Variants in FLT1 observed in about 807,000 individuals in gnomAD.
The protein encoded by FLT1 is vascular endothelial growth factor receptor 1.
FLT1 carries 49 observed loss-of-function variants against 156.3 expected under a neutral mutation model. That is an observed-to-expected ratio of 0.31 (90% CI 0.25 to 0.40). FLT1 has a LOEUF of 0.40. Among genes scored for constraint, FLT1 ranks in the 10% least tolerant of loss-of-function variants. The probability of loss-of-function intolerance (pLI) is 1.00; values close to 1 mark genes in which losing one functional copy is unlikely to be tolerated. For synonymous variants in FLT1, 594 were observed against 583.8 expected (o/e 1.02, Z -0.25); for missense variants, 1,322 against 1,637.2 (o/e 0.81, Z 3.32).
At chr13:28,411,821 G>A (rs1245453811) in intron 10 of FLT1, among the ~76,000 whole-genome samples, 1 of 152,170 alleles carries the variant, frequency 6.6e-6, no homozygotes, top group Non-Finnish European at 1.5e-5. Flanking sequence ...AATGTATAAT[G>A]AAAGCACATT....
chr13:28,420,796 A>G (rs554950665), intron 10 of FLT1, among the ~76,000 whole-genome samples: 3 of 152,206 alleles, frequency 2.0e-5, no homozygotes, highest in Non-Finnish European at 4.4e-5. Flanking sequence ...TTAATTTTAC[A>G]TACCCCACTG....
In FLT1 at chr13:28,319,460, C is replaced by T. The variant is rs2138826544; in HGVS notation, c.3249G>A (p.Trp1083Ter). Residue 1083 changes from tryptophan to a stop codon, truncating the protein, a stop_gained, in exon 24 of 30, where the codon TGG becomes TGA. Coordinates refer to ENST00000282397, the MANE Select transcript of FLT1 (RefSeq NM_002019.4). LOFTEE classifies it high-confidence loss of function. Reference protein sequence around the residue: ...DKIYSTKSDVWSYGVLLWEIF... With the variant: ...DKIYSTKSDV Reference sequence around the variant, plus strand: ...TTTCCCACAGCAATACTCCGTAAGACCACACGTCGCTCTTGGTGCTGTAGA... The same window carrying T: ...TTTCCCACAGCAATACTCCGTAAGATCACACGTCGCTCTTGGTGCTGTAGA... The T allele has an allele frequency of 6.2e-7, 1 of 1,613,832 alleles. No homozygotes were observed. The highest frequency in any genetic ancestry group is 8.5e-7 in the Non-Finnish European group (1 of 1,179,752).
At chr13:28,450,324 A>G (rs1426549781) in intron 3 of FLT1, among the ~76,000 whole-genome samples, 2 of 152,190 alleles carry the variant, frequency 1.3e-5, no homozygotes, top group Admixed American at 6.5e-5. Flanking sequence ...TCTCAGTGAG[A>G]GTGGAATGCT....
At chr13:28,341,178 A>C (rs1872319559) in intron 16 of FLT1, among the ~76,000 whole-genome samples, 1 of 152,278 alleles carries the variant, frequency 6.6e-6, no homozygotes, top group South Asian at 2.1e-4. Flanking sequence ...CCCACGTGGC[A>C]CCTATGGAAT....
chr13:28,352,418 A>C (rs188991273), intron 15 of FLT1, among the ~76,000 whole-genome samples: 1 of 152,320 alleles, frequency 6.6e-6, no homozygotes, highest in East Asian at 1.9e-4. Flanking sequence ...CCCTAGGCCT[A>C]ACACCCACTT....
chr13:28,491,939 T>C (rs1881493956), intron 1 of FLT1, among the ~76,000 whole-genome samples: 1 of 152,222 alleles, frequency 6.6e-6, no homozygotes, highest in African/African-American at 2.4e-5. Context: ...AACAAAGTGC[T>C]AAAATAGTAA....
intron 14 of FLT1, among the ~76,000 whole-genome samples, chr13:28,365,744 C>CTA (rs1269752536): frequency 1.3e-5 from 2 of 152,206 alleles, no homozygotes; most frequent in African/African-American, 2.4e-5. Flanking sequence ...TAGCCTAAGT[C>CTA]ATTACCATGT....
chr13:28,317,053 C>A (rs57363142), intron 25 of FLT1, among the ~76,000 whole-genome samples: 1 of 152,240 alleles, frequency 6.6e-6, no homozygotes, highest in African/African-American at 2.4e-5. Flanking sequence ...AACCCCCTCA[C>A]GGGTGTTCTG....
intron 3 of FLT1, among the ~76,000 whole-genome samples, chr13:28,466,545 A>G (rs1213002230): frequency 6.6e-6 from 1 of 152,218 alleles, no homozygotes; most frequent in East Asian, 1.9e-4. Flanking sequence ...AGCTGTGTTA[A>G]ATGACAAAAA....
At chr13:28,427,437 CA>C (rs1566021531) in intron 9 of FLT1, 119 bp from the exon 10 acceptor site, 8 of 947,814 alleles carry the variant, frequency 8.4e-6, no homozygotes, top group South Asian at 1.4e-5. Context: ...AAACAAGAAA[CA>C]AAAAAACAAA....
At chr13:28,335,371 T>C (rs1872079162) in intron 17 of FLT1, among the ~76,000 whole-genome samples, 1 of 152,116 alleles carries the variant, frequency 6.6e-6, no homozygotes, top group East Asian at 1.9e-4. Flanking sequence ...TCTGATAATG[T>C]GCCTTCAGTT....
intron 3 of FLT1, among the ~76,000 whole-genome samples, chr13:28,460,797 T>TAC (rs369507550): frequency 0.12 from 17,409 of 145,836 alleles, 997 homozygotes; most frequent in Middle Eastern, 0.15. Context: ...TCAGACCCAT[T>TAC]ACACACACAC....
At chr13:28,458,908 G>A (rs776796157) in intron 3 of FLT1, among the ~76,000 whole-genome samples, 9 of 152,174 alleles carry the variant, frequency 5.9e-5, no homozygotes, top group Admixed American at 5.9e-4. Flanking sequence ...AGGATGTAGA[G>A]GGGTCTATTT....
At chr13:28,457,258 TA>T (rs958594908) in intron 3 of FLT1, among the ~76,000 whole-genome samples, 3 of 152,088 alleles carry the variant, frequency 2.0e-5, no homozygotes, top group African/African-American at 7.2e-5. Context: ...GTTGTAAGGA[TA>T]AAATCTGTTA....
chr13:28,306,689 C>A lies in FLT1; in HGVS notation c.3804G>T (p.Ser1268=). ...TACCCAATTCTTACTCAATCTTGAGCGAGGCCTTGGGTTTGCTGTCAGTCC... is the reference window on the plus strand; with the variant it reads ...TACCCAATTCTTACTCAATCTTGAGAGAGGCCTTGGGTTTGCTGTCAGTCC... The part of the protein sequence containing the change: ...FTWTDSKPKA[S]LKIDLRVTSK... The change falls in exon 29 of 30, where the codon TCG becomes TCT. Residue 1268 remains serine, a synonymous_variant. Coordinates refer to ENST00000282397, the MANE Select transcript of FLT1 (RefSeq NM_002019.4). The A allele has an allele frequency of 1.2e-6, 2 of 1,611,624 alleles. No homozygotes were observed. Among genetic ancestry groups the A allele is most frequent in the Non-Finnish European group, 1.7e-6 (2 of 1,177,742 alleles).
intron 18 of FLT1, among the ~76,000 whole-genome samples, chr13:28,330,792 C>A (rs945738102): frequency 6.6e-6 from 1 of 152,016 alleles, no homozygotes; most frequent in Non-Finnish European, 1.5e-5. Flanking sequence ...CGGCTCCCTG[C>A]AACCTCCACC....
intron 25 of FLT1, among the ~76,000 whole-genome samples, chr13:28,315,874 C>G (rs963791311): frequency 2.0e-5 from 3 of 152,120 alleles, no homozygotes; most frequent in Non-Finnish European, 4.4e-5. Flanking sequence ...TTCTAAATGT[C>G]TCCTTTGCTT....
At chr13:28,493,624 C>T (rs1037642303) in intron 1 of FLT1, among the ~76,000 whole-genome samples, 10 of 152,090 alleles carry the variant, frequency 6.6e-5, no homozygotes, top group African/African-American at 2.4e-4. Context: ...CATATTTTAC[C>T]TTTTCTCCAC....
At chr13:28,400,146 A>G (rs1242545188) in intron 11 of FLT1, among the ~76,000 whole-genome samples, 1 of 152,222 alleles carries the variant, frequency 6.6e-6, no homozygotes, top group Admixed American at 6.5e-5. Flanking sequence ...ACACAGATCT[A>G]TTGGCAAAAT....
Sources: allele counts gnomAD v4.1 joint callset (sites outside exome capture counted in the v4.1 genomes callset), GRCh38; gene constraint gnomAD v4.1.1; transcripts MANE v1.5; gene names NCBI Gene and HGNC (gene_info 2026-07-23, HGNC 2026-07-21).